The following CLSTN2 variants were observed in gnomAD, a reference collection of about 807,000 sequenced individuals.
CLSTN2 encodes the protein calsyntenin 2.
In CLSTN2, 48 loss-of-function variants were observed where a neutral mutation model predicts 101.2. The observed-to-expected ratio is 0.47, with a 90% CI of 0.38 to 0.60. The LOEUF is 0.60. CLSTN2 is among the 20% of genes least tolerant of loss of function. CLSTN2 has a pLI of 0.00. For missense variants in CLSTN2, 1,160 were observed against 1,238.2 expected, an observed-to-expected ratio of 0.94 and a Z score of 0.95; for synonymous variants, 481 against 463.6, an observed-to-expected ratio of 1.04 and a Z score of -0.48.
intron 4 of CLSTN2, among the ~76,000 whole-genome samples, chr3:140,418,892 G>T (rs1404650618): frequency 6.6e-6 from 1 of 152,044 alleles, no homozygotes; most frequent in African/African-American, 2.4e-5. Context: ...TCCAGGACAA[G>T]TTACTTGAAC....
At chr3:140,556,687 G>A in intron 11 of CLSTN2, 26 bp downstream of exon 11, 1 of 1,608,612 alleles carries the variant, frequency 6.2e-7, no homozygotes, top group Non-Finnish European at 8.5e-7. Context: ...TCAGCCTGGG[G>A]CCAACTGAGG....
At chr3:140,509,732 T>G (rs1170032163) in intron 8 of CLSTN2, among the ~76,000 whole-genome samples, 1 of 152,150 alleles carries the variant, frequency 6.6e-6, no homozygotes, top group African/African-American at 2.4e-5. Context: ...CAACCCCCAC[T>G]TCGTTGAGAC....
chr3:140,244,724 G>C (rs1045746628), intron 2 of CLSTN2, among the ~76,000 whole-genome samples: 9 of 152,108 alleles, frequency 5.9e-5, no homozygotes, highest in African/African-American at 2.2e-4. Flanking sequence ...TTCCCAAACA[G>C]ATTCCCTTTT....
At chr3:140,340,878 G>A (rs888123979) in intron 2 of CLSTN2, among the ~76,000 whole-genome samples, 1 of 152,128 alleles carries the variant, frequency 6.6e-6, no homozygotes, top group Non-Finnish European at 1.5e-5. Flanking sequence ...GAAGTATACT[G>A]GTCAGGTATT....
At chr3:140,261,252 T>C (rs1241500158) in intron 2 of CLSTN2, among the ~76,000 whole-genome samples, 1 of 152,192 alleles carries the variant, frequency 6.6e-6, no homozygotes, top group East Asian at 1.9e-4. Context: ...TTTCCTTCTA[T>C]ATTTAATCAT....
intron 10 of CLSTN2, among the ~76,000 whole-genome samples, chr3:140,547,214 G>A (rs1935611672): frequency 1.3e-5 from 2 of 152,202 alleles, no homozygotes; most frequent in Non-Finnish European, 2.9e-5. Context: ...TGTGGCTCAC[G>A]TCTGTAGTCC....
Position 140,566,425 on chromosome 3 carries a change from G to A in CLSTN2, c.*172G>A. On this transcript the variant is annotated 3_prime_UTR_variant, in exon 17 of 17. Coordinates refer to ENST00000458420, the MANE Select transcript of CLSTN2 (RefSeq NM_022131.3). ...TGGGCACTCCCTGTGTTTCATCCAT[G>A]GGGAAGTTCCAAGAAGCCCAGCATG... The A allele has an allele frequency of 3.0e-6, 2 of 659,028 alleles. No homozygotes were observed. Among genetic ancestry groups the A allele is most frequent in the Non-Finnish European group, 5.2e-6 (2 of 381,790 alleles). 40.8% of individuals were successfully genotyped at this position (659,028 alleles called of 1,614,324 possible).
intron 8 of CLSTN2, among the ~76,000 whole-genome samples, chr3:140,527,670 G>T (rs1421033573): frequency 6.6e-6 from 1 of 152,102 alleles, no homozygotes; most frequent in Non-Finnish European, 1.5e-5. Flanking sequence ...ACCAACCTAG[G>T]TGCCCATCAA....
At chr3:140,543,770 A>T (rs761197394) in intron 9 of CLSTN2, among the ~76,000 whole-genome samples, 1 of 152,198 alleles carries the variant, frequency 6.6e-6, no homozygotes, top group Non-Finnish European at 1.5e-5. Context: ...AAGAGAAAAA[A>T]TGGAAGCTTT....
At chr3:139,948,451 C>A in intron 1 of CLSTN2, among the ~76,000 whole-genome samples, 1 of 150,758 alleles carries the variant, frequency 6.6e-6, no homozygotes, top group Middle Eastern at 3.2e-3. Context: ...GGTGACAGAG[C>A]GACTCCATCT....
chr3:140,279,837 ACCT>A (rs1360841713), intron 2 of CLSTN2, among the ~76,000 whole-genome samples: 2 of 152,082 alleles, frequency 1.3e-5, no homozygotes, highest in Non-Finnish European at 2.9e-5. Context: ...GGAGAATTAG[ACCT>A]CCTTCTCATG....
intron 1 of CLSTN2, among the ~76,000 whole-genome samples, chr3:139,975,651 A>G (rs1201738432): frequency 6.6e-6 from 1 of 152,102 alleles, no homozygotes; most frequent in East Asian, 1.9e-4. Flanking sequence ...TTGAAACACA[A>G]CTTCATGAAG....
chr3:140,559,166 A>G (rs1935862249), intron 12 of CLSTN2, among the ~76,000 whole-genome samples: 1 of 124,050 alleles, frequency 8.1e-6, no homozygotes, highest in Admixed American at 7.9e-5. Flanking sequence ...ACCATTTAAG[A>G]AAAAAAAAAA....
chr3:140,499,144 A>G (rs548205791), intron 8 of CLSTN2, among the ~76,000 whole-genome samples: 9 of 152,304 alleles, frequency 5.9e-5, no homozygotes, highest in African/African-American at 2.2e-4. Flanking sequence ...CCTACTTTCT[A>G]TGGTTATAAA....
intron 2 of CLSTN2, among the ~76,000 whole-genome samples, chr3:140,225,241 T>C (rs72988178): frequency 0.034 from 5,229 of 152,284 alleles, 293 homozygotes; most frequent in African/African-American, 0.12. Flanking sequence ...GTCCTTCTGG[T>C]TGGTCTGCCT....
chr3:140,307,312 A>G (rs1418289935), intron 2 of CLSTN2, among the ~76,000 whole-genome samples: 2 of 152,108 alleles, frequency 1.3e-5, no homozygotes, highest in African/African-American at 2.4e-5. Context: ...AACCCTGTCT[A>G]GCTTCCTGCT....
At chr3:140,263,997 C>T (rs2086674759) in intron 2 of CLSTN2, among the ~76,000 whole-genome samples, 2 of 152,090 alleles carry the variant, frequency 1.3e-5, no homozygotes, top group Non-Finnish European at 2.9e-5. Context: ...TCTGTACTCT[C>T]ACTATCAAAC....
Position 140,566,367 on chromosome 3 carries a change from T to C in CLSTN2, c.*114T>C. 1.8e-6 allele frequency: 2 copies of C among 1,091,774 alleles called. No homozygotes were observed. The highest frequency in any genetic ancestry group is 1.3e-6 in the Non-Finnish European group (1 of 748,442). The allele number at this position is 1,091,774 out of a possible 1,614,324, so 67.6% of individuals were successfully genotyped here. ...GTCTGTGACATGTCTGGGAAGGCCT[T>C]CTCCAGCTTCCTGGAGCCCACCCTT... is the stretch of plus-strand genomic sequence containing the variant. On this transcript the variant is annotated 3_prime_UTR_variant, in exon 17 of 17. Transcript: ENST00000458420.
chr3:140,446,724 G>A (rs1372447300), intron 5 of CLSTN2, among the ~76,000 whole-genome samples: 1 of 152,118 alleles, frequency 6.6e-6, no homozygotes, highest in African/African-American at 2.4e-5. Flanking sequence ...GATTGTTGCT[G>A]CATCTGCTTC....
Sources: gnomAD v4.1 joint callset for allele counts (sites outside exome capture counted in the v4.1 genomes callset) on GRCh38, gnomAD v4.1.1 for gene constraint, MANE v1.5 for transcripts, NCBI Gene and HGNC (gene_info 2026-07-23, HGNC 2026-07-21) for gene names.